Variants in RPUSD1 observed in about 807,000 individuals in gnomAD.
The protein encoded by RPUSD1 is RNA pseudouridine synthase domain containing 1.
A neutral mutation model predicts 22.4 loss-of-function variants in RPUSD1; 28 were observed. The observed-to-expected ratio is 1.25, with a 90% confidence interval of 0.93 to 1.72. The LOEUF is 1.72. RPUSD1 is among the 40% of genes most tolerant of loss of function. The pLI is 0.00. For missense variants in RPUSD1, 596 were observed against 442.2 expected, an observed-to-expected ratio of 1.35 and a Z score of -3.12; for synonymous variants, 298 against 201.0, an observed-to-expected ratio of 1.48 and a Z score of -4.08.
At chr16:787,964 C>A in intron 1 of RPUSD1, 1 of 593,964 alleles carries the variant, frequency 1.7e-6, no homozygotes, top group Non-Finnish European at 3.0e-6. Context: ...ACCTGAAGGG[C>A]CCTGCCTGAC....
rs57753356 is a variant in RPUSD1 at position 786,342 on chromosome 16, G to A, written c.547C>T (p.Leu183=). 4,262 of 1,611,780 alleles carry A rather than the reference G, an allele frequency of 2.6e-3. 53 individuals are homozygous for A. In the African/African-American group the frequency reaches 0.035, roughly 13 times the overall value. Residue 183 remains leucine (L), a synonymous_variant, in exon 6 of 6, where the codon CTG becomes TTG. Transcript: ENST00000007264. ...AGGTCGCCCACCACGGGGTGGCCCA[G>A]GGCACTGCAGTGCACGCGCAGCTGG... ...THQLRVHCSA[L]GHPVVGDLTY... is the part of the protein sequence containing the mutation.
Position 786,867 on chromosome 16 carries a change from T to A in RPUSD1, c.471A>T (p.Ala157=). 6.2e-7 allele frequency: 1 copy of A among 1,613,268 alleles called. No homozygotes were observed. Among genetic ancestry groups the A allele is most frequent in the Non-Finnish European group, 8.5e-7 (1 of 1,179,984 alleles). Residue 157 remains alanine (A), a synonymous_variant, in exon 5 of 6, where the codon GCA becomes GCT. Coordinates refer to ENST00000007264, the MANE Select transcript of RPUSD1 (RefSeq NM_058192.3). ...DLVVLEHGLY[A]GDPVSKVLLK... ...GCAGCACTTTGGAGACAGGATCGCC[T>A]GCGTACAGCCCGTGTTCCAGAACCA...
intron 5 of RPUSD1, chr16:786,615 G>C: frequency 1.4e-6 from 1 of 734,664 alleles, no homozygotes. Context: ...GGAGAATCTA[G>C]GCCAGCCAGA....
chr16:788,284 C>T lies in RPUSD1; in HGVS notation c.-36G>A. 4.0e-6 allele frequency: 1 copy of T among 251,422 alleles called. No homozygotes were observed. The highest frequency in any genetic ancestry group is 7.8e-6 in the Non-Finnish European group (1 of 128,750). The allele number at this position is 251,422 out of a possible 1,614,324, so 15.6% of individuals were successfully genotyped here. ...CTGCCGGGCCGTGCAGTCCAGGCCC[C>T]CGATGCCGTGCCCGGCGCCGGCTCC... On this transcript the variant is annotated 5_prime_UTR_variant, in exon 1 of 6. Coordinates refer to ENST00000007264, the MANE Select transcript of RPUSD1 (RefSeq NM_058192.3).
rs753305741 is a variant in RPUSD1, at chr16:787,979, G to T, written c.-7-235C>A. The T allele has an allele frequency of 1.5e-4, 90 of 585,648 alleles. 1 individual carries two copies. Among genetic ancestry groups the T allele is most frequent in the Non-Finnish European group, 2.4e-4 (79 of 329,170 alleles). The allele number at this position is 585,648 out of a possible 1,614,324, so 36.3% of individuals were successfully genotyped here. A position where few individuals can be genotyped will look rare whatever the true frequency, so the allele number is the denominator to read the frequency against. On this transcript the variant is annotated intron_variant, in intron 1 of 5. Transcript: ENST00000007264. ...ACCTGAAGGGCCCTGCCTGACCTAA[G>T]CCTGGAGAAAGAGCCCGTTCCAAAC...
Position 786,884 on chromosome 16 carries a change from C to G in RPUSD1, c.454G>C (p.Glu152Gln). The G allele has an allele frequency of 4.3e-6, 7 of 1,613,354 alleles. No individual in the cohort carries two copies. The highest frequency in any genetic ancestry group is 5.1e-6 in the Non-Finnish European group (6 of 1,179,986). ...GGATCGCCTGCGTACAGCCCGTGTT[C>G]CAGAACCACGAGATCTGTGAGGCTT... ...KPSLTDLVVL[E>Q]HGLYAGDPVS... Residue 152 changes from glutamate (E) to glutamine (Q), a missense_variant, in exon 5 of 6, where the codon GAA becomes CAA. Glu to Gln is a conservative substitution (Grantham distance 29). Coordinates refer to ENST00000007264, the MANE Select transcript of RPUSD1 (RefSeq NM_058192.3).
At chr16:787,515 C>T (rs900908326) in intron 2 of RPUSD1, 38 bp from the exon 3 acceptor site, 9 of 1,598,682 alleles carry the variant, frequency 5.6e-6, no homozygotes, top group Admixed American at 1.7e-5. Flanking sequence ...AGCCACTTTC[C>T]TCCACAGACG....
rs201428835 is a variant in RPUSD1 at position 785,910 on chromosome 16, C to T, written c.*40G>A. On this transcript the variant is annotated 3_prime_UTR_variant, in exon 6 of 6. Transcript: ENST00000007264. Reference sequence around the variant, plus strand: ...TCGCTCGCCCATCTCCCTAGAGTCCCGCTGTGCAGCTGACACCCCCTGCCC... The same window carrying T: ...TCGCTCGCCCATCTCCCTAGAGTCCTGCTGTGCAGCTGACACCCCCTGCCC... The T allele has an allele frequency of 2.1e-5, 30 of 1,411,256 alleles. No homozygotes were observed. In the East Asian group the frequency reaches 2.3e-4, roughly 11 times the overall value. The allele number at this position is 1,411,256 out of a possible 1,614,324, so 87.4% of individuals were successfully genotyped here.
In RPUSD1 at chr16:786,142, C is replaced by T; in HGVS notation, c.747G>A (p.Gln249=). Residue 249 remains glutamine, a synonymous_variant, in exon 6 of 6, where the codon CAG becomes CAA. Transcript: ENST00000007264. ...SPHTLLQSLD[Q]LVQALRATPD... is the part of the protein sequence containing the mutation. The stretch of plus-strand genomic sequence containing the variant: ...GGGTGGCCCGTAAGGCCTGCACGAG[C>T]TGGTCCAGCGACTGCAGCAGTGTGT... 1 of 1,609,200 alleles carries T rather than the reference C, an allele frequency of 6.2e-7. No individual in the cohort carries two copies. Among genetic ancestry groups the T allele is most frequent in the East Asian group, 2.2e-5 (1 of 44,722 alleles).
At position 786,194 on chromosome 16, in the gene RPUSD1, G is replaced by C; in HGVS notation, c.695C>G (p.Pro232Arg). The C allele has an allele frequency of 1.9e-6, 3 of 1,612,732 alleles. No individual in the cohort carries two copies. The highest frequency in any genetic ancestry group is 2.5e-6 in the Non-Finnish European group (3 of 1,179,906). ...GGGGCTCCAGCAGGCATCCAGGGAG[G>C]GCAGGAAGGGGTCAGGCGTGCAGAC... ...VEVCTPDPFL[P>R]SLDACWSPHT... The change falls in exon 6 of 6, where the codon CCC becomes CGC. Residue 232 changes from proline (P) to arginine (R), a missense_variant. Transcript: ENST00000007264.
In RPUSD1 at chr16:787,655, C is replaced by G. The variant is rs199929908; in HGVS notation, c.83G>C (p.Arg28Pro). ...FLVVNKHWDVRIDSKAWRETL... is the reference protein window; with the variant it reads ...FLVVNKHWDVPIDSKAWRETL... ...CTCCCGCCACGCCTTGCTGTCAATG[C>G]GAACGTCCCAGTGCTTGTTGACCAC... Residue 28 changes from arginine (R) to proline (P), a missense_variant, in exon 2 of 6, where the codon CGC (arginine) becomes CCC (proline). Arg to Pro is a moderately radical substitution (Grantham distance 103). Transcript: ENST00000007264. 1.2e-6 allele frequency: 2 copies of G among 1,612,246 alleles called. No individual in the cohort carries two copies. The highest frequency in any genetic ancestry group is 1.1e-5 in the South Asian group (1 of 91,092).
intron 5 of RPUSD1, 107 bp from the exon 6 acceptor site, chr16:786,484 C>T (rs2041917593): frequency 5.3e-6 from 6 of 1,141,418 alleles, no homozygotes; most frequent in Non-Finnish European, 7.5e-6. Flanking sequence ...AGTCTTGAAG[C>T]AGCCTCTTGG....
intron 1 of RPUSD1, chr16:788,021 C>T (rs747192238): frequency 5.5e-6 from 3 of 548,982 alleles, no homozygotes; most frequent in East Asian, 3.3e-5. Context: ...CACAGATCCT[C>T]CCCACAGACC....
At chr16:786,525 T>G (rs188678077) in intron 5 of RPUSD1, 148 bp from the exon 6 acceptor site, 23 of 797,092 alleles carry the variant, frequency 2.9e-5, no homozygotes, top group African/African-American at 2.7e-4. Flanking sequence ...CTGCCATGAG[T>G]GAGGATGACA....
intron 1 of RPUSD1, 55 bp from the exon 2 acceptor site, chr16:787,799 C>G: frequency 6.4e-7 from 1 of 1,568,514 alleles, no homozygotes. Flanking sequence ...GCCCCCAGCC[C>G]AGCATACAGA....
At chr16:786,563 G>A (rs994608367) in intron 5 of RPUSD1, 186 bp from the exon 6 acceptor site, 17 of 758,186 alleles carry the variant, frequency 2.2e-5, no homozygotes, top group African/African-American at 5.2e-5. Context: ...TTGTGTTCAG[G>A]TCACCACTGG....
intron 1 of RPUSD1, 113 bp from the exon 2 acceptor site, chr16:787,857 G>T (rs3817833): frequency 1.8e-6 from 2 of 1,095,574 alleles, no homozygotes; most frequent in Non-Finnish European, 2.6e-6. Flanking sequence ...CCACCGAGCC[G>T]GGTCCGCAGC....
intron 5 of RPUSD1, 147 bp from the exon 6 acceptor site, chr16:786,524 G>A (rs1349439401): frequency 9.9e-6 from 8 of 804,760 alleles, no homozygotes; most frequent in South Asian, 4.8e-5. Context: ...CCTGCCATGA[G>A]TGAGGATGAC....
rs1341772430 is a variant in RPUSD1 at position 785,920 on chromosome 16, C to T, written c.*30G>A. On this transcript the variant is annotated 3_prime_UTR_variant, in exon 6 of 6. Coordinates refer to ENST00000007264, the MANE Select transcript of RPUSD1 (RefSeq NM_058192.3). Reference sequence around the variant, plus strand: ...ATCTCCCTAGAGTCCCGCTGTGCAGCTGACACCCCCTGCCCCAGCCCCACG... The same window carrying T: ...ATCTCCCTAGAGTCCCGCTGTGCAGTTGACACCCCCTGCCCCAGCCCCACG... 2 of 1,422,600 alleles carry T rather than the reference C, an allele frequency of 1.4e-6. No individual in the cohort carries two copies. Among genetic ancestry groups the T allele is most frequent in the Non-Finnish European group, 1.8e-6 (2 of 1,089,822 alleles). 88.1% of individuals were successfully genotyped at this position (1,422,600 alleles called of 1,614,324 possible).
Sources: allele counts gnomAD v4.1 joint callset, GRCh38; gene constraint gnomAD v4.1.1; transcripts MANE v1.5; gene names NCBI Gene and HGNC (gene_info 2026-07-23, HGNC 2026-07-21).